LRMDA: variants seen among roughly 807,000 people sequenced by gnomAD.
LRMDA encodes the protein leucine rich melanocyte differentiation associated.
A neutral mutation model predicts 29.8 loss-of-function variants in LRMDA; 18 were observed. That is an observed-to-expected ratio of 0.60 (90% confidence interval 0.42 to 0.90). The LOEUF (loss-of-function observed/expected upper bound fraction) is 0.90. Among genes scored for constraint, LRMDA ranks in the 40% least tolerant of loss-of-function variants. The pLI is 0.00. For synonymous variants in LRMDA, 125 were observed against 109.4 expected, an observed-to-expected ratio of 1.14 and a Z score of -0.89; for missense variants, 273 against 273.9, an observed-to-expected ratio of 1.00 and a Z score of 0.02.
intron 2 of LRMDA, among the ~76,000 whole-genome samples, chr10:75,723,788 A>G (rs775562143): frequency 6.6e-6 from 1 of 152,158 alleles, no homozygotes; most frequent in Non-Finnish European, 1.5e-5. Flanking sequence ...ACAGTGGAAA[A>G]TTTGATAGTT....
intron 6 of LRMDA, among the ~76,000 whole-genome samples, chr10:76,365,418 T>C (rs1476706829): frequency 3.3e-5 from 5 of 152,274 alleles, no homozygotes; most frequent in Admixed American, 2.0e-4. Context: ...CTACTGTTTT[T>C]TGATTTTTTT....
chr10:75,636,003 C>T (rs1273618039), intron 2 of LRMDA, among the ~76,000 whole-genome samples: 1 of 152,116 alleles, frequency 6.6e-6, no homozygotes, highest in East Asian at 1.9e-4. Context: ...ATTCAAGGTC[C>T]ATAGGACGTA....
chr10:75,476,200 G>A (rs1179525367), intron 2 of LRMDA, among the ~76,000 whole-genome samples: 1 of 152,166 alleles, frequency 6.6e-6, no homozygotes, highest in African/African-American at 2.4e-5. Context: ...AAGTTGATTG[G>A]TTTTATGGCA....
chr10:75,952,099 A>C (rs1255758007), intron 2 of LRMDA, among the ~76,000 whole-genome samples: 3 of 152,176 alleles, frequency 2.0e-5, no homozygotes, highest in Non-Finnish European at 4.4e-5. Flanking sequence ...TTCCAGACTC[A>C]TCTCAGAAAC....
At chr10:75,558,340 C>A (rs969628473) in intron 2 of LRMDA, among the ~76,000 whole-genome samples, 1 of 151,784 alleles carries the variant, frequency 6.6e-6, no homozygotes, top group Non-Finnish European at 1.5e-5. Flanking sequence ...GCCAGGAGAG[C>A]AAAACTGTAT....
intron 2 of LRMDA, among the ~76,000 whole-genome samples, chr10:76,017,078 A>T (rs1029660649): frequency 1.1e-4 from 17 of 152,260 alleles, no homozygotes; most frequent in African/African-American, 4.1e-4. Flanking sequence ...TCAGTTAAGA[A>T]GCGCTCATAC....
intron 6 of LRMDA, among the ~76,000 whole-genome samples, chr10:76,471,580 A>G (rs1480111664): frequency 6.6e-6 from 1 of 151,626 alleles, no homozygotes; most frequent in African/African-American, 2.4e-5. Flanking sequence ...TATAAATAAT[A>G]ATATCAAATA....
chr10:76,203,475 A>G (rs781131304), intron 5 of LRMDA, among the ~76,000 whole-genome samples: 5 of 152,200 alleles, frequency 3.3e-5, no homozygotes, highest in Non-Finnish European at 5.9e-5. Flanking sequence ...AGGTCAGACT[A>G]TAATTTGGAA....
intron 2 of LRMDA, among the ~76,000 whole-genome samples, chr10:75,506,555 C>T (rs561175780): frequency 6.6e-6 from 1 of 152,278 alleles, no homozygotes; most frequent in Admixed American, 6.5e-5. Flanking sequence ...GGGCCAGTGG[C>T]GAGAGCAAAC....
rs1277182990 is a variant in LRMDA at position 76,558,833 on chromosome 10, C to CTGTT, written c.*1548_*1551dup. On this transcript the variant is annotated 3_prime_UTR_variant, in exon 7 of 7. Coordinates refer to ENST00000611255, the MANE Select transcript of LRMDA (RefSeq NM_001305581.2). The stretch of plus-strand genomic sequence containing the variant: ...CATGTATTGAGGCTGGCAGGAGTCC[C>CTGTT]TGTTTGAGATTACACAACCTTTGTT... 2 of 152,172 alleles carry CTGTT rather than the reference C, an allele frequency of 1.3e-5. No homozygotes were observed. The highest frequency in any genetic ancestry group is 2.9e-5 in the Non-Finnish European group (2 of 68,040). 9.4% of individuals were successfully genotyped at this position (152,172 alleles called of 1,614,324 possible).
intron 2 of LRMDA, among the ~76,000 whole-genome samples, chr10:75,612,604 A>C (rs369123411): frequency 2.3e-4 from 35 of 149,858 alleles, no homozygotes; most frequent in East Asian, 1.4e-3. Context: ...TGATTTCCAA[A>C]GAGTTTGCTT....
At chr10:76,166,904 C>T (rs1344001297) in intron 5 of LRMDA, among the ~76,000 whole-genome samples, 1 of 152,154 alleles carries the variant, frequency 6.6e-6, no homozygotes, top group Non-Finnish European at 1.5e-5. Flanking sequence ...ATCTAGACTC[C>T]CACCAACAGT....
intron 2 of LRMDA, among the ~76,000 whole-genome samples, chr10:75,739,069 C>G (rs185896445): frequency 6.6e-6 from 1 of 152,152 alleles, no homozygotes; most frequent in Non-Finnish European, 1.5e-5. Context: ...GTGGCCGCTG[C>G]GAGAGGCAGG....
chr10:75,747,516 C>T (rs1162089436), intron 2 of LRMDA, among the ~76,000 whole-genome samples: 6 of 152,172 alleles, frequency 3.9e-5, no homozygotes, highest in Non-Finnish European at 7.3e-5. Flanking sequence ...TGAGTAACTA[C>T]CCCTAAAGAG....
At chr10:75,839,930 G>A (rs1422156689) in intron 2 of LRMDA, among the ~76,000 whole-genome samples, 3 of 152,004 alleles carry the variant, frequency 2.0e-5, no homozygotes, top group Non-Finnish European at 4.4e-5. Context: ...GGATGATCTT[G>A]ATCTCCTGAC....
At chr10:76,021,259 G>C (rs1332992704) in intron 2 of LRMDA, among the ~76,000 whole-genome samples, 1 of 152,170 alleles carries the variant, frequency 6.6e-6, no homozygotes, top group Non-Finnish European at 1.5e-5. Flanking sequence ...GCTCTACCTT[G>C]ACCCGTAGTT....
chr10:75,822,050 C>T (rs1408430630), intron 2 of LRMDA, among the ~76,000 whole-genome samples: 1 of 152,100 alleles, frequency 6.6e-6, no homozygotes, highest in Non-Finnish European at 1.5e-5. Context: ...TATCTCTGTT[C>T]ACTGATGATA....
chr10:75,550,809 G>A (rs1840132550), intron 2 of LRMDA, among the ~76,000 whole-genome samples: 1 of 151,824 alleles, frequency 6.6e-6, no homozygotes, highest in African/African-American at 2.4e-5. Flanking sequence ...TGGCTTATAA[G>A]TTTACTCCTT....
At chr10:75,515,112 TGAAA>T (rs1243972203) in intron 2 of LRMDA, among the ~76,000 whole-genome samples, 3 of 152,172 alleles carry the variant, frequency 2.0e-5, no homozygotes, top group Non-Finnish European at 4.4e-5. Flanking sequence ...TTAGGTTAAG[TGAAA>T]GAAGCCAGAT....
Sources: allele counts gnomAD v4.1 joint callset (sites outside exome capture counted in the v4.1 genomes callset), GRCh38; gene constraint gnomAD v4.1.1; transcripts MANE v1.5; gene names NCBI Gene and HGNC (gene_info 2026-07-23, HGNC 2026-07-21).